The following PLEKHG3 variants were observed in gnomAD, a reference collection of about 807,000 sequenced individuals.
PLEKHG3 encodes pleckstrin homology domain-containing family G member 3.
A neutral mutation model predicts 94.9 loss-of-function variants in PLEKHG3; 62 were observed. The ratio of observed to expected loss-of-function variants is 0.65; its 90% CI spans 0.53 to 0.81. PLEKHG3 has a LOEUF of 0.81. Among genes scored for constraint, PLEKHG3 ranks in the 30% least tolerant of loss-of-function variants. The pLI is 0.00. For missense variants in PLEKHG3, 1,461 were observed against 1,619.3 expected (o/e 0.90, Z 1.68); for synonymous variants, 614 against 654.0 (o/e 0.94, Z 0.93).
chr14:64,728,119 A>G lies in PLEKHG3; in HGVS notation c.351+137A>G, dbSNP rs1250025060. ...CCCACCCTCGCTGACTGCACTGTGA[A>G]AGCTGTTGACCCCTGAGGCTTCCCT... On this transcript the variant is annotated intron_variant, in intron 2 of 16. Transcript: ENST00000247226. This position sits in a 1 kb window ranked among gnomAD's most constrained non-coding sequence, Gnocchi z 5.9. 2 of 617,392 alleles carry G rather than the reference A, an allele frequency of 3.2e-6. No homozygotes were observed. The highest frequency in any genetic ancestry group is 5.5e-6 in the Non-Finnish European group (2 of 361,272). 38.2% of individuals were successfully genotyped at this position (617,392 alleles called of 1,614,324 possible).
rs2081621182 is a variant in PLEKHG3 at position 64,738,532 on chromosome 14, G to A, written c.1405-210G>A. Among the ~76,000 whole-genome samples, 1 of 152,236 alleles carries A rather than the reference G, an allele frequency of 6.6e-6. No individual in the cohort carries two copies. The highest frequency in any genetic ancestry group is 6.5e-5 in the Admixed American group (1 of 15,286). ...TCCACTTTGGAGGGACAGAAAGGTG[G>A]GCTGAGGTTTTTTGAAGCTGCATGC... On this transcript the variant is annotated intron_variant, in intron 14 of 16. Coordinates refer to ENST00000247226, the MANE Select transcript of PLEKHG3 (RefSeq NM_001308147.2). The surrounding 1 kb of genome is among the most constrained non-coding windows in gnomAD (Gnocchi z 4.8).
chr14:64,715,035 C>G lies in PLEKHG3; in HGVS notation c.-40+10331C>G, dbSNP rs2081117389. On this transcript the variant is annotated intron_variant, in intron 1 of 16. Transcript: ENST00000247226. The surrounding 1 kb of genome is among the most constrained non-coding windows in gnomAD (Gnocchi z 4.4). ...CACTGAGACCCCGTGCAGGTTGGTA[C>G]CCCCACTGCAAGAGTGTGTGGGTGG... is the stretch of plus-strand genomic sequence containing the variant. 6.6e-6 allele frequency among the ~76,000 whole-genome samples: 1 copy of G among 152,096 alleles called. No homozygotes were observed. The highest frequency in any genetic ancestry group is 2.4e-5 in the African/African-American group (1 of 41,406).
chr14:64,747,043 G>C lies in PLEKHG3; in HGVS notation c.*3340G>C, dbSNP rs2081856879. The C allele has an allele frequency of 6.5e-6, 1 of 152,720 alleles. No individual in the cohort carries two copies. Among genetic ancestry groups the C allele is most frequent in the African/African-American group, 2.4e-5 (1 of 41,452 alleles). The allele number at this position is 152,720 out of a possible 1,614,324, so 9.5% of individuals were successfully genotyped here. A position where few individuals can be genotyped will look rare whatever the true frequency, so the allele number is the denominator to read the frequency against. ...GACAGGAGGGATGTGTGGGGAGCTGGCAACAGAATGGTCACATGCAGCTGG... is the reference window on the plus strand; with the variant it reads ...GACAGGAGGGATGTGTGGGGAGCTGCCAACAGAATGGTCACATGCAGCTGG... On this transcript the variant is annotated 3_prime_UTR_variant, in exon 17 of 17. Coordinates refer to ENST00000247226, the MANE Select transcript of PLEKHG3 (RefSeq NM_001308147.2).
Position 64,732,472 on chromosome 14 carries a change from CT to C in PLEKHG3, c.1246+16del, listed in dbSNP as rs1566707878. The C allele has an allele frequency of 3.7e-6, 6 of 1,611,526 alleles. No individual in the cohort carries two copies. Among genetic ancestry groups the C allele is most frequent in the Non-Finnish European group, 5.1e-6 (6 of 1,177,678 alleles). ...AATGGATTCCTATTGTAAGTGTACC[CT>C]TTTCTGCCTGTTTTGTCCCTAATCG... On this transcript the variant is annotated intron_variant, in intron 11 of 16. Transcript: ENST00000247226. The surrounding 1 kb of genome is among the most constrained non-coding windows in gnomAD (Gnocchi z 4.9).
chr14:64,705,947 C>G (rs192276337), intron 1 of PLEKHG3, among the ~76,000 whole-genome samples: 185 of 152,314 alleles, frequency 1.2e-3, no homozygotes, highest in African/African-American at 4.3e-3. Flanking sequence ...ACCTGCTGTC[C>G]TCCACTCCCT....
Position 64,738,428 on chromosome 14 carries a change from C to T in PLEKHG3, c.1405-314C>T, listed in dbSNP as rs1314577775. Reference sequence around the variant, plus strand: ...CAGTACTGGGCACTAATCAATATAACGCCCAACAAGCATGACAAGTGGGGT... The same window carrying T: ...CAGTACTGGGCACTAATCAATATAATGCCCAACAAGCATGACAAGTGGGGT... On this transcript the variant is annotated intron_variant, in intron 14 of 16. Transcript: ENST00000247226. This position sits in a 1 kb window ranked among gnomAD's most constrained non-coding sequence, Gnocchi z 4.8. Among the ~76,000 whole-genome samples the T allele has an allele frequency of 2.6e-5, 4 of 152,184 alleles. No individual in the cohort carries two copies. The highest frequency in any genetic ancestry group is 2.9e-5 in the Non-Finnish European group (2 of 68,032).
At chr14:64,735,958 A>T (rs914528105) in intron 12 of PLEKHG3, among the ~76,000 whole-genome samples, 1 of 152,286 alleles carries the variant, frequency 6.6e-6, no homozygotes, top group Non-Finnish European at 1.5e-5. Context: ...ATTTACTTAC[A>T]TTGATACAGA....
At position 64,732,322 on chromosome 14, in the gene PLEKHG3, G is replaced by T; in HGVS notation, c.1213-105G>T. 1 of 1,264,530 alleles carries T rather than the reference G, an allele frequency of 7.9e-7. No individual in the cohort carries two copies. The highest frequency in any genetic ancestry group is 1.2e-6 in the Non-Finnish European group (1 of 863,140). The allele number at this position is 1,264,530 out of a possible 1,614,324, so 78.3% of individuals were successfully genotyped here. On this transcript the variant is annotated intron_variant, in intron 10 of 16. Coordinates refer to ENST00000247226, the MANE Select transcript of PLEKHG3 (RefSeq NM_001308147.2). This position sits in a 1 kb window ranked among gnomAD's most constrained non-coding sequence, Gnocchi z 4.9. ...CAGTACAGCAGATGCCCCGGGCCTT[G>T]GTGCAGCACTGTGGGGTGTCCTCGT...
chr14:64,713,767 T>A (rs1475693695), intron 1 of PLEKHG3, among the ~76,000 whole-genome samples: 1 of 151,986 alleles, frequency 6.6e-6, no homozygotes, highest in Non-Finnish European at 1.5e-5. Flanking sequence ...CCCATTTCCT[T>A]TTTTTTTCTC....
chr14:64,730,866 G>C lies in PLEKHG3; in HGVS notation c.634G>C (p.Glu212Gln), dbSNP rs1041603408. Residue 212 changes from glutamate to glutamine, a missense_variant, in exon 6 of 17, where the codon GAG becomes CAG. Coordinates refer to ENST00000247226, the MANE Select transcript of PLEKHG3 (RefSeq NM_001308147.2). This position sits in a 1 kb window ranked among gnomAD's most constrained non-coding sequence, Gnocchi z 5.4. Reference protein sequence around the residue: ...QQAKFFRDRQELLQHSLPLGS... With the variant: ...QQAKFFRDRQQLLQHSLPLGS... ...GGCCAAGTTCTTTCGGGACCGGCAG[G>C]AGCTGCTACAGCACTCGCTGCCCTT... is the stretch of plus-strand genomic sequence containing the variant. The C allele has an allele frequency of 4.3e-6, 7 of 1,613,226 alleles. No individual in the cohort carries two copies. The highest frequency in any genetic ancestry group is 1.7e-5 in the Admixed American group (1 of 60,026).
In PLEKHG3 at chr14:64,738,747, G is replaced by T; in HGVS notation, c.1410G>T (p.Lys470Asn). Residue 470 changes from lysine to asparagine, a missense_variant, in exon 15 of 17, where the codon AAG (lysine) becomes AAT (asparagine). By Grantham distance (94) the Lys-to-Asn change is moderately conservative (BLOSUM62 0). Around this residue, in one of 3 missense-constraint regions of PLEKHG3, gnomAD observed 1,201 missense variants for 1,295.5 expected, o/e 0.93. Transcript: ENST00000247226. This position sits in a 1 kb window ranked among gnomAD's most constrained non-coding sequence, Gnocchi z 4.8. ...EKARAAGMKG[K>N]GRRESESSRS... ...ACTGACCTCTACCTCTGCAGGGAAA[G>T]GGGCGCAGGGAGTCTGAAAGCTCCA... 1 of 1,580,214 alleles carries T rather than the reference G, an allele frequency of 6.3e-7. No homozygotes were observed. The highest frequency in any genetic ancestry group is 8.6e-7 in the Non-Finnish European group (1 of 1,161,898).
At position 64,749,840 on chromosome 14, in the gene PLEKHG3, G is replaced by T; in HGVS notation, c.*6137G>T. On this transcript the variant is annotated 3_prime_UTR_variant, in exon 17 of 17. Transcript: ENST00000247226. This position sits in a 1 kb window ranked among gnomAD's most constrained non-coding sequence, Gnocchi z 4.7. ...AGCACTTTCTGAGAGGTCAAAGTCTGGACCATCAGCCTCTTTGATTTGAAA... is the reference window on the plus strand; with the variant it reads ...AGCACTTTCTGAGAGGTCAAAGTCTTGACCATCAGCCTCTTTGATTTGAAA... The T allele has an allele frequency of 6.8e-7, 1 of 1,478,616 alleles. No individual in the cohort carries two copies. The highest frequency in any genetic ancestry group is 9.4e-7 in the Non-Finnish European group (1 of 1,068,580). The allele number at this position is 1,478,616 out of a possible 1,614,324, so 91.6% of individuals were successfully genotyped here. A position where few individuals can be genotyped will look rare whatever the true frequency, so the allele number is the denominator to read the frequency against.
chr14:64,708,839 C>T (rs2081017842), intron 1 of PLEKHG3, among the ~76,000 whole-genome samples: 2 of 145,134 alleles, frequency 1.4e-5, no homozygotes, highest in Admixed American at 6.9e-5. Context: ...AAGTATGTCG[C>T]TGCACACTCG....
At position 64,704,514 on chromosome 14, in the gene PLEKHG3, C is replaced by T. The variant is rs1453555707; in HGVS notation, c.-230C>T. 6.4e-6 allele frequency: 1 copy of T among 155,942 alleles called. No homozygotes were observed. The highest frequency in any genetic ancestry group is 2.4e-5 in the African/African-American group (1 of 41,518). The allele number at this position is 155,942 out of a possible 1,614,324, so 9.7% of individuals were successfully genotyped here. ...CGGGCGCTGGCAAGCCGCGCGCTGCCTGGGGTCTCCGGGGGCCGCGCTTGC... is the reference window on the plus strand; with the variant it reads ...CGGGCGCTGGCAAGCCGCGCGCTGCTTGGGGTCTCCGGGGGCCGCGCTTGC... On this transcript the variant is annotated 5_prime_UTR_variant, in exon 1 of 17. Transcript: ENST00000247226. The surrounding 1 kb of genome is among the most constrained non-coding windows in gnomAD (Gnocchi z 5.6).
In PLEKHG3 at chr14:64,723,071, C is replaced by T. The variant is rs1018760563; in HGVS notation, c.-39-4522C>T. 3.9e-5 allele frequency among the ~76,000 whole-genome samples: 6 copies of T among 152,212 alleles called. No homozygotes were observed. The highest frequency in any genetic ancestry group is 2.0e-4 in the Admixed American group (3 of 15,302). On this transcript the variant is annotated intron_variant, in intron 1 of 16. Transcript: ENST00000247226. This position sits in a 1 kb window ranked among gnomAD's most constrained non-coding sequence, Gnocchi z 4.5. ...GGATGTGGCCCCAGTCTGCTGTGCT[C>T]GGAATCCAGGGGCCTGCTGTAGCCT...
In PLEKHG3 at chr14:64,731,567, C is replaced by A; in HGVS notation, c.1032+24C>A. On this transcript the variant is annotated intron_variant, in intron 8 of 16. Coordinates refer to ENST00000247226, the MANE Select transcript of PLEKHG3 (RefSeq NM_001308147.2). The surrounding 1 kb of genome is among the most constrained non-coding windows in gnomAD (Gnocchi z 6.1). The stretch of plus-strand genomic sequence containing the variant: ...CGGTAACCAGGCCCTGCCCCATCTC[C>A]TCTGCCATCTTCTCTCCTTCCCAAA... 6.2e-7 allele frequency: 1 copy of A among 1,608,448 alleles called. No homozygotes were observed. Among genetic ancestry groups the A allele is most frequent in the South Asian group, 1.1e-5 (1 of 90,918 alleles).
rs2081168160 is a variant in PLEKHG3, at chr14:64,716,634, C to CA, written c.-39-10959_-39-10958insA. On this transcript the variant is annotated intron_variant, in intron 1 of 16. Transcript: ENST00000247226. This position sits in a 1 kb window ranked among gnomAD's most constrained non-coding sequence, Gnocchi z 5.0. Reference sequence around the variant, plus strand: ...GGTGGTTGTTTTGGATCAAACCAAGCGTCAGCTGGTAGAGCAGTTGAAAGG... The same window carrying CA: ...GGTGGTTGTTTTGGATCAAACCAAGCAGTCAGCTGGTAGAGCAGTTGAAAGG... 6.6e-6 allele frequency among the ~76,000 whole-genome samples: 1 copy of CA among 151,748 alleles called. No individual in the cohort carries two copies. The highest frequency in any genetic ancestry group is 2.1e-4 in the South Asian group (1 of 4,826).
rs1447996636 is a variant in PLEKHG3 at position 64,720,707 on chromosome 14, A to G, written c.-39-6886A>G. Among the ~76,000 whole-genome samples, 1 of 152,206 alleles carries G rather than the reference A, an allele frequency of 6.6e-6. No homozygotes were observed. Among genetic ancestry groups the G allele is most frequent in the Non-Finnish European group, 1.5e-5 (1 of 68,032 alleles). On this transcript the variant is annotated intron_variant, in intron 1 of 16. Transcript: ENST00000247226. This position sits in a 1 kb window ranked among gnomAD's most constrained non-coding sequence, Gnocchi z 4.1. Reference sequence around the variant, plus strand: ...CCACTGTAACAAATTCTGCAATCTTAGTGGCTTAAATCAACACACATTTGT... The same window carrying G: ...CCACTGTAACAAATTCTGCAATCTTGGTGGCTTAAATCAACACACATTTGT...
rs993809965 is a variant in PLEKHG3 at position 64,725,605 on chromosome 14, G to T, written c.-39-1988G>T. ...GCAACAGCCCTACAATTCCCAGGGGGCTCTCTTCTGAGCAGCTCAAAGAGC... is the reference window on the plus strand; with the variant it reads ...GCAACAGCCCTACAATTCCCAGGGGTCTCTCTTCTGAGCAGCTCAAAGAGC... On this transcript the variant is annotated intron_variant, in intron 1 of 16. Transcript: ENST00000247226. The surrounding 1 kb of genome is among the most constrained non-coding windows in gnomAD (Gnocchi z 5.0). Among the ~76,000 whole-genome samples, 5 of 152,164 alleles carry T rather than the reference G, an allele frequency of 3.3e-5. No homozygotes were observed. Among genetic ancestry groups the T allele is most frequent in the Non-Finnish European group, 7.4e-5 (5 of 68,016 alleles).
Sources: allele counts gnomAD v4.1 joint callset (sites outside exome capture counted in the v4.1 genomes callset), GRCh38; gene constraint gnomAD v4.1.1; regional missense constraint gnomAD v4.1.1; non-coding constraint Gnocchi (gnomAD v3.1); transcripts MANE v1.5; gene names NCBI Gene and HGNC (gene_info 2026-07-23, HGNC 2026-07-21).